The following CNTNAP5 variants were observed in gnomAD, a reference collection of about 807,000 sequenced individuals.
CNTNAP5 encodes contactin associated protein family member 5, also known as contactin-associated protein-like 5.
Under a neutral mutation model 150.2 loss-of-function variants are expected in CNTNAP5, and 72 were observed. The ratio of observed to expected loss-of-function variants is 0.48; its 90% CI spans 0.40 to 0.58. CNTNAP5 has a LOEUF of 0.58. Among genes scored for constraint, CNTNAP5 ranks in the 20% least tolerant of loss-of-function variants. The probability of loss-of-function intolerance (pLI) is 0.00; values close to 1 mark genes in which losing one functional copy is unlikely to be tolerated. For synonymous variants in CNTNAP5, 672 were observed against 619.8 expected, an observed-to-expected ratio of 1.08 and a Z score of -1.25; for missense variants, 1,636 against 1,626.2, an observed-to-expected ratio of 1.01 and a Z score of -0.10.
intron 1 of CNTNAP5, among the ~76,000 whole-genome samples, chr2:124,065,665 C>CATTATA (rs1319544279): frequency 2.0e-5 from 3 of 152,134 alleles, no homozygotes; most frequent in African/African-American, 7.2e-5. Flanking sequence ...ATTATAATAA[C>CATTATA]ACAAAGGATC....
At chr2:124,489,235 G>C (rs1693963592) in intron 7 of CNTNAP5, among the ~76,000 whole-genome samples, 1 of 152,176 alleles carries the variant, frequency 6.6e-6, no homozygotes, top group African/African-American at 2.4e-5. Flanking sequence ...CAGACTGTTT[G>C]ACTAACACAA....
At chr2:124,484,138 G>A (rs916452647) in intron 7 of CNTNAP5, among the ~76,000 whole-genome samples, 2 of 152,210 alleles carry the variant, frequency 1.3e-5, no homozygotes, top group Non-Finnish European at 2.9e-5. Flanking sequence ...ATAAGAGCTA[G>A]AAAGGAGAAA....
intron 11 of CNTNAP5, among the ~76,000 whole-genome samples, chr2:124,575,190 G>A (rs1288682088): frequency 6.6e-6 from 1 of 152,178 alleles, no homozygotes; most frequent in Non-Finnish European, 1.5e-5. Context: ...CAACAGCCCA[G>A]CAGGACACAA....
At chr2:124,259,048 C>A (rs1296312949) in intron 3 of CNTNAP5, among the ~76,000 whole-genome samples, 1 of 139,902 alleles carries the variant, frequency 7.1e-6, no homozygotes, top group Non-Finnish European at 1.5e-5. Flanking sequence ...TGATGTTCCC[C>A]ACCCTGTGTC....
At chr2:124,065,306 C>T (rs1054390732) in intron 1 of CNTNAP5, among the ~76,000 whole-genome samples, 1 of 152,142 alleles carries the variant, frequency 6.6e-6, no homozygotes, top group Non-Finnish European at 1.5e-5. Flanking sequence ...ACAAGATAAA[C>T]ATTAAAAAAT....
intron 3 of CNTNAP5, among the ~76,000 whole-genome samples, chr2:124,391,438 A>C (rs1691106717): frequency 1.3e-5 from 2 of 152,200 alleles, no homozygotes; most frequent in African/African-American, 4.8e-5. Context: ...ATCACTTTTT[A>C]CCTGATGTAA....
At chr2:124,201,894 T>C (rs1047900758) in intron 1 of CNTNAP5, among the ~76,000 whole-genome samples, 5 of 152,322 alleles carry the variant, frequency 3.3e-5, no homozygotes, top group East Asian at 1.9e-4. Flanking sequence ...AGTATCAACA[T>C]TGGCAAAAGT....
chr2:124,268,654 A>T (rs1248790618), intron 3 of CNTNAP5, among the ~76,000 whole-genome samples: 1 of 152,204 alleles, frequency 6.6e-6, no homozygotes, highest in Non-Finnish European at 1.5e-5. Flanking sequence ...GCAATACATG[A>T]TACACATCAC....
At chr2:124,388,133 A>AACTCCC (rs1690980167) in intron 3 of CNTNAP5, among the ~76,000 whole-genome samples, 1 of 152,194 alleles carries the variant, frequency 6.6e-6, no homozygotes, top group South Asian at 2.1e-4. Flanking sequence ...TTGATACGTT[A>AACTCCC]ACTCCCCATG....
At chr2:124,585,830 C>T (rs115065237) in intron 11 of CNTNAP5, among the ~76,000 whole-genome samples, 231 of 152,116 alleles carry the variant, frequency 1.5e-3, no homozygotes, top group African/African-American at 5.4e-3. Flanking sequence ...GTTTATAAAA[C>T]TCATAAATAG....
chr2:124,095,821 T>C (rs546490611), intron 1 of CNTNAP5, among the ~76,000 whole-genome samples: 5 of 152,354 alleles, frequency 3.3e-5, no homozygotes, highest in Admixed American at 6.5e-5. Flanking sequence ...ATTTATTGAA[T>C]GCACAATGTA....
At chr2:124,239,764 G>A (rs182322422) in intron 2 of CNTNAP5, among the ~76,000 whole-genome samples, 2 of 151,908 alleles carry the variant, frequency 1.3e-5, no homozygotes, top group Admixed American at 1.3e-4. Context: ...ATAAAATAAA[G>A]AATATGTTTA....
At chr2:124,380,495 A>T (rs1173696960) in intron 3 of CNTNAP5, among the ~76,000 whole-genome samples, 1 of 152,200 alleles carries the variant, frequency 6.6e-6, no homozygotes, top group East Asian at 1.9e-4. Flanking sequence ...AGCCTAGCCT[A>T]AGTCCATTCT....
Position 124,790,259 on chromosome 2 carries a change from A to T in CNTNAP5, c.2992+118A>T, listed in dbSNP as rs369747536. Reference sequence around the variant, plus strand: ...TTTATCATCTACTCTCCCGCTGTTTAGAGAGTCTGCATAGTTCTTCAACGT... The same window carrying T: ...TTTATCATCTACTCTCCCGCTGTTTTGAGAGTCTGCATAGTTCTTCAACGT... On this transcript the variant is annotated intron_variant, in intron 18 of 23. Coordinates refer to ENST00000682447, the MANE Select transcript of CNTNAP5 (RefSeq NM_001367498.1). 4.5e-5 allele frequency: 50 copies of T among 1,122,454 alleles called. 1 individual carries two copies. In the East Asian group the frequency reaches 6.5e-4, roughly 15 times the overall value. 69.5% of individuals were successfully genotyped at this position (1,122,454 alleles called of 1,614,324 possible).
At chr2:124,737,796 GACTAGCTGAGTT>G (rs1007641752) in intron 13 of CNTNAP5, among the ~76,000 whole-genome samples, 2 of 152,012 alleles carry the variant, frequency 1.3e-5, no homozygotes, top group African/African-American at 2.4e-5. Flanking sequence ...GTCTGTCGTC[GACTAGCTGAGTT>G]ACTAGCAGGT....
In CNTNAP5 at chr2:124,597,831, C is replaced by A. The variant is rs1183535049; in HGVS notation, c.1757-11970C>A. On this transcript the variant is annotated intron_variant, in intron 11 of 23. Coordinates refer to ENST00000682447, the MANE Select transcript of CNTNAP5 (RefSeq NM_001367498.1). ...CACATAGTCCCATATTTCTTGGAGGCTTTGCTCATTTCTTTTTATTCTTTT... is the reference window on the plus strand; with the variant it reads ...CACATAGTCCCATATTTCTTGGAGGATTTGCTCATTTCTTTTTATTCTTTT... Among the ~76,000 whole-genome samples the A allele has an allele frequency of 1.3e-4, 19 of 149,864 alleles. No individual in the cohort carries two copies. In the East Asian group the frequency reaches 3.8e-3, roughly 30 times the overall value.
intron 3 of CNTNAP5, among the ~76,000 whole-genome samples, chr2:124,288,138 C>A (rs1688200368): frequency 6.6e-6 from 1 of 152,122 alleles, no homozygotes; most frequent in African/African-American, 2.4e-5. Flanking sequence ...CCATGTTTCC[C>A]AGACTAGTCT....
chr2:124,697,687 C>T (rs1679432114), intron 13 of CNTNAP5, among the ~76,000 whole-genome samples: 1 of 151,488 alleles, frequency 6.6e-6, no homozygotes, highest in South Asian at 2.1e-4. Context: ...GAGACTTCTT[C>T]ATGCAGGAGT....
intron 10 of CNTNAP5, among the ~76,000 whole-genome samples, chr2:124,561,638 A>G (rs1050085558): frequency 6.6e-6 from 1 of 152,228 alleles, no homozygotes; most frequent in Non-Finnish European, 1.5e-5. Context: ...TGAATACCAT[A>G]AAGTTATCAA....
Sources: gnomAD v4.1 joint callset for allele counts (sites outside exome capture counted in the v4.1 genomes callset) on GRCh38, gnomAD v4.1.1 for gene constraint, MANE v1.5 for transcripts, NCBI Gene and HGNC (gene_info 2026-07-23, HGNC 2026-07-21) for gene names.